Variants in CLNK observed in about 807,000 individuals in gnomAD.
CLNK encodes the protein cytokine-dependent hematopoietic cell linker.
CLNK carries 74 observed loss-of-function variants against 68.6 expected under a neutral mutation model. That is an observed-to-expected ratio of 1.08 (90% CI 0.89 to 1.31). The LOEUF is 1.31. Ranked by LOEUF, CLNK falls within the 50% of genes most tolerant of loss-of-function variation. The pLI is 0.00. For synonymous variants in CLNK, 198 were observed against 172.2 expected, an observed-to-expected ratio of 1.15 and a Z score of -1.17; for missense variants, 553 against 515.3, an observed-to-expected ratio of 1.07 and a Z score of -0.71.
At position 10,516,495 on chromosome 4, in the gene CLNK, A is replaced by G. The variant is rs186004564; in HGVS notation, c.773-2898T>C. On this transcript the variant is annotated intron_variant, in intron 15 of 18. Coordinates refer to ENST00000226951, the MANE Select transcript of CLNK (RefSeq NM_052964.4). Reference sequence around the variant, plus strand: ...AAATTTATCTCTAAGTTTACTAAGAAGAACACTACTTCTGATACACTGGCA... The same window carrying G: ...AAATTTATCTCTAAGTTTACTAAGAGGAACACTACTTCTGATACACTGGCA... Among the ~76,000 whole-genome samples, 15 of 152,292 alleles carry G rather than the reference A, an allele frequency of 9.8e-5. No individual in the cohort carries two copies. In the East Asian group the frequency reaches 2.5e-3, roughly 25 times the overall value.
intron 2 of CLNK, among the ~76,000 whole-genome samples, chr4:10,614,280 A>T (rs1274616424): frequency 2.0e-5 from 3 of 152,186 alleles, no homozygotes; most frequent in African/African-American, 4.8e-5. Context: ...GGCTCAAATA[A>T]TGGTAAACAC....
intron 2 of CLNK, among the ~76,000 whole-genome samples, chr4:10,638,265 A>G (rs1026706726): frequency 5.3e-5 from 8 of 152,204 alleles, no homozygotes; most frequent in Admixed American, 1.3e-4. Flanking sequence ...TTCACTATTA[A>G]ATGTAGCTTA....
chr4:10,706,332 T>A, the CLNK span, among the ~76,000 whole-genome samples: 1 of 152,164 alleles, frequency 6.6e-6, no homozygotes, highest in Non-Finnish European at 1.5e-5. Context: ...CTAAAGGGAT[T>A]TATTGGGGGA....
intron 17 of CLNK, among the ~76,000 whole-genome samples, chr4:10,502,120 G>C (rs765075296): frequency 1.2e-4 from 18 of 152,168 alleles, no homozygotes; most frequent in Admixed American, 3.3e-4. Context: ...GGGGCTCCCA[G>C]ATTTTGCATG....
chr4:10,542,935 A>G (rs549192551), intron 8 of CLNK, among the ~76,000 whole-genome samples: 3 of 152,250 alleles, frequency 2.0e-5, no homozygotes, highest in East Asian at 1.9e-4. Context: ...AGGTAGTTCT[A>G]TTTCCATAAT....
At chr4:10,704,200 G>A in the CLNK span, among the ~76,000 whole-genome samples, 25 of 152,074 alleles carry the variant, frequency 1.6e-4, no homozygotes, top group African/African-American at 4.1e-4. Flanking sequence ...GAGAGAGAGC[G>A]AGAGAGACCC....
At chr4:10,600,257 C>T (rs970450850) in intron 2 of CLNK, among the ~76,000 whole-genome samples, 2 of 152,176 alleles carry the variant, frequency 1.3e-5, no homozygotes, top group South Asian at 2.1e-4. Context: ...ATTACTTCCC[C>T]GTGAACTCTT....
intron 5 of CLNK, among the ~76,000 whole-genome samples, chr4:10,568,243 G>A (rs1219069074): frequency 6.6e-6 from 1 of 152,174 alleles, no homozygotes; most frequent in Non-Finnish European, 1.5e-5. Context: ...ACATGGATAA[G>A]CCTTGATAAT....
At chr4:10,667,800 A>T in intron 2 of CLNK, 59 bp downstream of exon 2, 1 of 1,483,524 alleles carries the variant, frequency 6.7e-7, no homozygotes, top group South Asian at 1.3e-5. Flanking sequence ...TCCAGAAAAC[A>T]CCTCCTGTCC....
the CLNK span, among the ~76,000 whole-genome samples, chr4:10,699,593 A>G: frequency 6.9e-6 from 1 of 145,230 alleles, no homozygotes; most frequent in African/African-American, 2.6e-5. Flanking sequence ...GCTCACTGAA[A>G]CTTCCACCTC....
the CLNK span, among the ~76,000 whole-genome samples, chr4:10,695,937 C>A: frequency 6.6e-6 from 1 of 151,590 alleles, no homozygotes; most frequent in Non-Finnish European, 1.5e-5. Flanking sequence ...CTCACTGCAA[C>A]CTCTGCCTCC....
intron 3 of CLNK, among the ~76,000 whole-genome samples, chr4:10,597,325 G>A (rs948366162): frequency 8.5e-5 from 13 of 152,146 alleles, no homozygotes; most frequent in Admixed American, 2.0e-4. Flanking sequence ...ATGTGGCCCA[G>A]GTTTAGTCGG....
intron 12 of CLNK, chr4:10,531,357 A>C (rs1718530790): frequency 6.5e-6 from 1 of 153,206 alleles, no homozygotes; most frequent in African/African-American, 2.4e-5. Flanking sequence ...CCATTTGTGC[A>C]CTACTTACTT....
chr4:10,549,090 C>A (rs996995802), intron 8 of CLNK, among the ~76,000 whole-genome samples: 1 of 152,152 alleles, frequency 6.6e-6, no homozygotes, highest in Non-Finnish European at 1.5e-5. Flanking sequence ...ACTTAGTATT[C>A]CTCCCTCCCT....
At chr4:10,650,845 ATTT>A (rs760776490) in intron 2 of CLNK, among the ~76,000 whole-genome samples, 1 of 152,182 alleles carries the variant, frequency 6.6e-6, no homozygotes, top group Non-Finnish European at 1.5e-5. Flanking sequence ...ACTTAAACAA[ATTT>A]ACAAGAAAAA....
At chr4:10,636,123 T>C (rs1451646845) in intron 2 of CLNK, among the ~76,000 whole-genome samples, 1 of 152,188 alleles carries the variant, frequency 6.6e-6, no homozygotes, top group Non-Finnish European at 1.5e-5. Context: ...TTGAGTGGTG[T>C]CTTCCAAAAA....
chr4:10,706,907 G>A, the CLNK span, among the ~76,000 whole-genome samples: 2 of 152,172 alleles, frequency 1.3e-5, no homozygotes, highest in Non-Finnish European at 2.9e-5. Flanking sequence ...GGGAAGGGAA[G>A]TTGAACATGC....
At chr4:10,697,833 C>T in the CLNK span, among the ~76,000 whole-genome samples, 14 of 152,304 alleles carry the variant, frequency 9.2e-5, no homozygotes, top group Non-Finnish European at 8.8e-5. Flanking sequence ...CAATAGCCAC[C>T]TTGCCTTTGC....
chr4:10,691,720 G>C, the CLNK span, among the ~76,000 whole-genome samples: 1 of 152,090 alleles, frequency 6.6e-6, no homozygotes, highest in Non-Finnish European at 1.5e-5. Context: ...AGGCTAAATT[G>C]TTTCCAGGGT....
Sources: allele counts gnomAD v4.1 joint callset (sites outside exome capture counted in the v4.1 genomes callset), GRCh38; gene constraint gnomAD v4.1.1; transcripts MANE v1.5; gene names NCBI Gene and HGNC (gene_info 2026-07-23, HGNC 2026-07-21).